Variants in PDE7A observed in about 807,000 individuals in gnomAD.
PDE7A encodes the protein high affinity 3',5'-cyclic-AMP phosphodiesterase 7A.
PDE7A carries 39 observed loss-of-function variants against 64.3 expected under a neutral mutation model. The ratio of observed to expected loss-of-function variants is 0.61; its 90% CI spans 0.47 to 0.79. PDE7A has a LOEUF of 0.79. Among genes scored for constraint, PDE7A ranks in the 30% least tolerant of loss-of-function variants. The probability of loss-of-function intolerance (pLI) is 0.00; values close to 1 mark genes in which losing one functional copy is unlikely to be tolerated. For missense variants in PDE7A, 470 were observed against 582.8 expected (o/e 0.81, Z 1.99); for synonymous variants, 203 against 206.8 (o/e 0.98, Z 0.16).
At chr8:65,804,917 A>G (rs1217636639) in intron 1 of PDE7A, among the ~76,000 whole-genome samples, 3 of 152,142 alleles carry the variant, frequency 2.0e-5, no homozygotes, top group African/African-American at 7.2e-5. Context: ...GGCTCACTGC[A>G]GCCATGACCT....
chr8:65,798,599 T>C (rs527905213), intron 1 of PDE7A, among the ~76,000 whole-genome samples: 11 of 152,072 alleles, frequency 7.2e-5, no homozygotes, highest in South Asian at 2.1e-4. Context: ...ATAGAAGATA[T>C]ACGAATAGCC....
chr8:65,841,959 C>T lies in PDE7A; in HGVS notation c.-451G>A. 4.2e-6 allele frequency: 1 copy of T among 237,294 alleles called. No homozygotes were observed. The highest frequency in any genetic ancestry group is 7.7e-6 in the Non-Finnish European group (1 of 129,542). The allele number at this position is 237,294 out of a possible 1,614,324, so 14.7% of individuals were successfully genotyped here. A position where few individuals can be genotyped will look rare whatever the true frequency, so the allele number is the denominator to read the frequency against. On this transcript the variant is annotated 5_prime_UTR_variant, in exon 1 of 13. Coordinates refer to ENST00000401827, the MANE Select transcript of PDE7A (RefSeq NM_001242318.3). Reference sequence around the variant, plus strand: ...CGCGGGACTCAGGAGCAGCGACCAGCTCGGGCCGCCGCCGCCGCCGCCGCC... The same window carrying T: ...CGCGGGACTCAGGAGCAGCGACCAGTTCGGGCCGCCGCCGCCGCCGCCGCC...
At position 65,717,813 on chromosome 8, in the gene PDE7A, CTG is replaced by C. The variant is rs1198969185; in HGVS notation, c.*1475_*1476del. The C allele has an allele frequency of 2.6e-5, 4 of 152,282 alleles. No individual in the cohort carries two copies. Among genetic ancestry groups the C allele is most frequent in the East Asian group, 1.9e-4 (1 of 5,184 alleles). The allele number at this position is 152,282 out of a possible 1,614,324, so 9.4% of individuals were successfully genotyped here. A position where few individuals can be genotyped will look rare whatever the true frequency, so the allele number is the denominator to read the frequency against. On this transcript the variant is annotated 3_prime_UTR_variant, in exon 13 of 13. Coordinates refer to ENST00000401827, the MANE Select transcript of PDE7A (RefSeq NM_001242318.3). The stretch of plus-strand genomic sequence containing the variant: ...CCAAGAAAATGGCTGTTGCAACAAA[CTG>C]TAAACAATTAATAAACAGTCTTTTA...
chr8:65,733,110 G>C (rs1346381408), intron 7 of PDE7A, among the ~76,000 whole-genome samples: 1 of 152,124 alleles, frequency 6.6e-6, no homozygotes, highest in Non-Finnish European at 1.5e-5. Context: ...TTGAAGCCTT[G>C]GGTAAAGTGT....
At chr8:65,766,857 T>C (rs1808810919) in intron 3 of PDE7A, among the ~76,000 whole-genome samples, 1 of 152,188 alleles carries the variant, frequency 6.6e-6, no homozygotes, top group Non-Finnish European at 1.5e-5. Context: ...ATGGGTGTAA[T>C]ACTTAGATAT....
intron 1 of PDE7A, among the ~76,000 whole-genome samples, chr8:65,798,157 T>C (rs2128927419): frequency 6.9e-6 from 1 of 145,870 alleles, no homozygotes; most frequent in African/African-American, 2.5e-5. Context: ...TATCCAGAAA[T>C]ATATACATGT....
intron 1 of PDE7A, among the ~76,000 whole-genome samples, chr8:65,792,498 G>A (rs971526198): frequency 6.6e-6 from 1 of 152,222 alleles, no homozygotes; most frequent in African/African-American, 2.4e-5. Context: ...TATCCATACA[G>A]AGACTCGGCA....
At chr8:65,758,725 C>G (rs1808351578) in intron 3 of PDE7A, among the ~76,000 whole-genome samples, 1 of 152,226 alleles carries the variant, frequency 6.6e-6, no homozygotes, top group Non-Finnish European at 1.5e-5. Flanking sequence ...CAGTATGTTC[C>G]TTTGTCTGAC....
At chr8:65,768,660 A>C (rs1808921877) in intron 3 of PDE7A, among the ~76,000 whole-genome samples, 1 of 152,228 alleles carries the variant, frequency 6.6e-6, no homozygotes, top group African/African-American at 2.4e-5. Context: ...TTTTAATCAC[A>C]AAATAGAACA....
intron 1 of PDE7A, among the ~76,000 whole-genome samples, chr8:65,784,128 G>C (rs909897692): frequency 1.3e-5 from 2 of 152,146 alleles, no homozygotes; most frequent in Admixed American, 1.3e-4. Flanking sequence ...AGGATCCCTT[G>C]AGCCTAGGAG....
chr8:65,809,918 C>T (rs1466485479), intron 1 of PDE7A, among the ~76,000 whole-genome samples: 1 of 152,112 alleles, frequency 6.6e-6, no homozygotes, highest in African/African-American at 2.4e-5. Context: ...ATTAGTTCAA[C>T]CATTGTGGAA....
Position 65,744,648 on chromosome 8 carries a change from T to C in PDE7A, c.499+759A>G, listed in dbSNP as rs145503620. ...ATCTGAAAGCAAGGAACCACTGCTT[T>C]GGTCAGGAAACAGGCATACAACATC... On this transcript the variant is annotated intron_variant, in intron 5 of 12. Coordinates refer to ENST00000401827, the MANE Select transcript of PDE7A (RefSeq NM_001242318.3). Among the ~76,000 whole-genome samples, 109 of 152,276 alleles carry C rather than the reference T, an allele frequency of 7.2e-4. 2 individuals carry two copies. In the East Asian group the frequency reaches 0.019, roughly 26 times the overall value.
Position 65,841,373 on chromosome 8 carries a change from G to C in PDE7A, c.136C>G (p.Gln46Glu). The change falls in exon 1 of 13, where the codon CAG becomes GAG. Residue 46 changes from glutamine to glutamate, a missense_variant and splice_region_variant. Transcript: ENST00000401827. Reference protein sequence around the residue: ...FGCPNPRQLSQRRGAISYDSS... With the variant: ...FGCPNPRQLSERRGAISYDSS... ...GTGGGCCCGGCGGCGGCGATTACCT[G>C]AGAGAGCTGCCGGGGATTGGGGCAG... The C allele has an allele frequency of 6.4e-7, 1 of 1,555,366 alleles. No individual in the cohort carries two copies. The highest frequency in any genetic ancestry group is 8.7e-7 in the Non-Finnish European group (1 of 1,155,546).
At chr8:65,758,750 G>A (rs976450710) in intron 3 of PDE7A, among the ~76,000 whole-genome samples, 3 of 152,144 alleles carry the variant, frequency 2.0e-5, no homozygotes, top group South Asian at 2.1e-4. Context: ...GTTGGCCACC[G>A]AAATCCATGC....
chr8:65,780,143 A>G (rs1809374190), intron 2 of PDE7A, among the ~76,000 whole-genome samples: 1 of 152,062 alleles, frequency 6.6e-6, no homozygotes, highest in African/African-American at 2.4e-5. Context: ...TTTTTAAAAA[A>G]AGGCCATTGG....
chr8:65,822,411 G>T (rs1030811489), intron 1 of PDE7A, among the ~76,000 whole-genome samples: 1 of 152,198 alleles, frequency 6.6e-6, no homozygotes, highest in African/African-American at 2.4e-5. Flanking sequence ...GAAAAAGGAG[G>T]AAGTGTGGGT....
intron 5 of PDE7A, among the ~76,000 whole-genome samples, chr8:65,743,938 T>A (rs2128904384): frequency 6.6e-6 from 1 of 151,458 alleles, no homozygotes; most frequent in Non-Finnish European, 1.5e-5. Context: ...ATTCAAGCAA[T>A]TCTCCTGCCT....
chr8:65,762,815 G>C (rs2128915315), intron 3 of PDE7A, among the ~76,000 whole-genome samples: 1 of 152,006 alleles, frequency 6.6e-6, no homozygotes, highest in East Asian at 1.9e-4. Context: ...AAATATTTCA[G>C]AATAAGCATA....
intron 3 of PDE7A, among the ~76,000 whole-genome samples, chr8:65,756,383 G>T (rs1330103933): frequency 6.6e-6 from 1 of 151,824 alleles, no homozygotes; most frequent in African/African-American, 2.4e-5. Context: ...TTCATGTATT[G>T]GTACACTTGA....
Sources: allele counts gnomAD v4.1 joint callset (sites outside exome capture counted in the v4.1 genomes callset), GRCh38; gene constraint gnomAD v4.1.1; transcripts MANE v1.5; gene names NCBI Gene and HGNC (gene_info 2026-07-23, HGNC 2026-07-21).